The following PCDHGB7 variants were observed in gnomAD, a reference collection of about 807,000 sequenced individuals.
The protein encoded by PCDHGB7 is protocadherin gamma subfamily B, 7.
Under a neutral mutation model 61.4 loss-of-function variants are expected in PCDHGB7, and 37 were observed. That is an observed-to-expected ratio of 0.60 (90% CI 0.46 to 0.79). The LOEUF is 0.79. Among genes scored for constraint, PCDHGB7 ranks in the 30% least tolerant of loss-of-function variants. The pLI is 0.00. For missense variants in PCDHGB7, 1,166 were observed against 1,202.5 expected, an observed-to-expected ratio of 0.97 and a Z score of 0.45; for synonymous variants, 464 against 503.5, an observed-to-expected ratio of 0.92 and a Z score of 1.05.
intron 1 of PCDHGB7, among the ~76,000 whole-genome samples, chr5:141,467,109 A>G (rs1431550069): frequency 2.0e-5 from 3 of 150,594 alleles, no homozygotes; most frequent in African/African-American, 4.9e-5. Context: ...CTGGAGTACA[A>G]TGGTGCAATC....
intron 2 of PCDHGB7, among the ~76,000 whole-genome samples, chr5:141,497,614 A>C (rs1377740795): frequency 6.8e-6 from 1 of 146,530 alleles, no homozygotes; most frequent in African/African-American, 2.6e-5. Context: ...ATCTTGGCTC[A>C]CTGCAACCTC....
intron 1 of PCDHGB7, among the ~76,000 whole-genome samples, chr5:141,494,135 GTCAC>G (rs1365926534): frequency 3.3e-5 from 5 of 152,202 alleles, no homozygotes; most frequent in Admixed American, 6.5e-5. Flanking sequence ...CTTCTCCTTA[GTCAC>G]AGACCATTGT....
intron 1 of PCDHGB7, among the ~76,000 whole-genome samples, chr5:141,465,966 C>T (rs904439039): frequency 5.3e-5 from 8 of 151,802 alleles, no homozygotes; most frequent in Non-Finnish European, 1.0e-4. Context: ...ACTAAAAATA[C>T]AAAAAATTAG....
In PCDHGB7 at chr5:141,418,326, C is replaced by T. The variant is rs1398536611; in HGVS notation, c.467C>T (p.Ser156Phe). 1.2e-6 allele frequency: 2 copies of T among 1,613,986 alleles called. No individual in the cohort carries two copies. Among genetic ancestry groups the T allele is most frequent in the Non-Finnish European group, 1.7e-6 (2 of 1,179,896 alleles). ...VSLGMGTILE[S>F]AEDPDISMNS... The stretch of plus-strand genomic sequence containing the variant: ...CTGGGGATGGGAACAATTCTTGAGT[C>T]TGCAGAAGATCCTGATATTAGTATG... The change falls in exon 1 of 4, where the codon TCT becomes TTT. Residue 156 changes from serine (S) to phenylalanine (F), a missense_variant. By Grantham distance (155) the Ser-to-Phe change is radical (BLOSUM62 -2). Coordinates refer to ENST00000398594, the MANE Select transcript of PCDHGB7 (RefSeq NM_018927.4).
rs1206206519 is a variant in PCDHGB7 at position 141,432,127 on chromosome 5, C to G, written c.2415+11853C>G. ...ACCCGCCGGTCTTCCCTCAGGCCTC[C>G]TATTCCGCTTATATCCCAGAGAACA... On this transcript the variant is annotated intron_variant, in intron 1 of 3. Coordinates refer to ENST00000398594, the MANE Select transcript of PCDHGB7 (RefSeq NM_018927.4). The surrounding 1 kb of genome is among the most constrained non-coding windows in gnomAD (Gnocchi z 6.0). The G allele has an allele frequency of 6.8e-6, 11 of 1,614,160 alleles. No homozygotes were observed. The highest frequency in any genetic ancestry group is 8.5e-6 in the Non-Finnish European group (10 of 1,180,032).
intron 1 of PCDHGB7, chr5:141,423,081 C>A: frequency 6.2e-7 from 1 of 1,614,084 alleles, no homozygotes; most frequent in South Asian, 1.1e-5. Context: ...CGGGACTCTT[C>A]GCGGTGGGGG....
intron 1 of PCDHGB7, among the ~76,000 whole-genome samples, chr5:141,425,058 G>A (rs938128250): frequency 1.3e-5 from 2 of 151,986 alleles, no homozygotes; most frequent in African/African-American, 2.4e-5. Context: ...TCTAGGGCTC[G>A]GACAAAAATA....
rs371964437 is a variant in PCDHGB7, at chr5:141,511,404, C to T, written c.*231C>T. On this transcript the variant is annotated 3_prime_UTR_variant, in exon 4 of 4. Coordinates refer to ENST00000398594, the MANE Select transcript of PCDHGB7 (RefSeq NM_018927.4). ...CCGCTGGGAACCCCCATCCAATCAA[C>T]TGCTGTACCCATGGGGGTAGTGGGG... The T allele has an allele frequency of 7.7e-5, 73 of 947,014 alleles. No individual in the cohort carries two copies. In the East Asian group the frequency reaches 1.8e-3, roughly 23 times the overall value. The allele number at this position is 947,014 out of a possible 1,614,324, so 58.7% of individuals were successfully genotyped here.
chr5:141,488,572 T>C (rs888054788), intron 1 of PCDHGB7, among the ~76,000 whole-genome samples: 28 of 152,212 alleles, frequency 1.8e-4, no homozygotes, highest in African/African-American at 6.8e-4. Flanking sequence ...CCGCAAAGCA[T>C]TGCTGGAGAG....
chr5:141,438,513 A>G (rs2097964808), intron 1 of PCDHGB7, among the ~76,000 whole-genome samples: 1 of 148,768 alleles, frequency 6.7e-6, no homozygotes, highest in Non-Finnish European at 1.5e-5. Context: ...TGCAAAACCA[A>G]TTATTTTACA....
chr5:141,427,664 C>T (rs760682962), intron 1 of PCDHGB7: 11 of 775,778 alleles, frequency 1.4e-5, no homozygotes, highest in East Asian at 1.0e-4. Context: ...TCCACGTGGC[C>T]GAAAACAACC....
At chr5:141,430,327 T>C (rs1250968800) in intron 1 of PCDHGB7, among the ~76,000 whole-genome samples, 7 of 152,042 alleles carry the variant, frequency 4.6e-5, no homozygotes, top group Non-Finnish European at 1.5e-5. Context: ...AAAATCATTG[T>C]TTATAGAAAC....
intron 1 of PCDHGB7, among the ~76,000 whole-genome samples, chr5:141,469,967 C>G (rs2099217411): frequency 6.6e-6 from 1 of 152,124 alleles, no homozygotes; most frequent in Admixed American, 6.6e-5. Flanking sequence ...CCCATCTGTA[C>G]CAAAAATACA....
At chr5:141,484,889 TC>T (rs1312115219) in intron 1 of PCDHGB7, 2 of 362,958 alleles carry the variant, frequency 5.5e-6, no homozygotes, top group Admixed American at 8.9e-5. Flanking sequence ...GTGGGCTTTT[TC>T]CCCTCCAATG....
Position 141,434,784 on chromosome 5 carries a change from AT to A in PCDHGB7, c.2415+14519del, listed in dbSNP as rs201914459. On this transcript the variant is annotated intron_variant, in intron 1 of 3. Transcript: ENST00000398594. The stretch of plus-strand genomic sequence containing the variant: ...ACTTCACACTTCTAAAAAAAAAAAA[AT>A]TTTTTTTTCTGAGCTTGGAGAAATA... Among the ~76,000 whole-genome samples the A allele has an allele frequency of 3.3e-4, 49 of 150,342 alleles. 1 individual carries two copies. Among genetic ancestry groups the A allele is most frequent in the Middle Eastern group, 3.4e-3 (1 of 290 alleles).
At position 141,487,289 on chromosome 5, in the gene PCDHGB7, G is replaced by T; in HGVS notation, c.2416-7518G>T. 6.2e-7 allele frequency: 1 copy of T among 1,614,096 alleles called. No individual in the cohort carries two copies. The highest frequency in any genetic ancestry group is 8.5e-7 in the Non-Finnish European group (1 of 1,180,024). On this transcript the variant is annotated intron_variant, in intron 1 of 3. Coordinates refer to ENST00000398594, the MANE Select transcript of PCDHGB7 (RefSeq NM_018927.4). The surrounding 1 kb of genome is among the most constrained non-coding windows in gnomAD (Gnocchi z 5.0). Reference sequence around the variant, plus strand: ...AGTGGCAATTTGCTTTGTCTCCTTTGGCTCATTCGTGGCACTACTCTCTAA... The same window carrying T: ...AGTGGCAATTTGCTTTGTCTCCTTTTGCTCATTCGTGGCACTACTCTCTAA...
chr5:141,465,606 T>C (rs192541390), intron 1 of PCDHGB7, among the ~76,000 whole-genome samples: 22 of 152,338 alleles, frequency 1.4e-4, no homozygotes, highest in African/African-American at 5.3e-4. Context: ...TATCACTCTT[T>C]GGCCCTCCAG....
rs1321974739 is a variant in PCDHGB7, at chr5:141,432,755, G to A, written c.2415+12481G>A. The A allele has an allele frequency of 2.5e-6, 4 of 1,614,134 alleles. No individual in the cohort carries two copies. Among genetic ancestry groups the A allele is most frequent in the African/African-American group, 1.3e-5 (1 of 75,060 alleles). On this transcript the variant is annotated intron_variant, in intron 1 of 3. Coordinates refer to ENST00000398594, the MANE Select transcript of PCDHGB7 (RefSeq NM_018927.4). This position sits in a 1 kb window ranked among gnomAD's most constrained non-coding sequence, Gnocchi z 6.0. ...TGTCACGCTCACCGTGGCCGTGGCC[G>A]ACAGCATCCCCCAAGTCCTGGCGGA...
intron 1 of PCDHGB7, among the ~76,000 whole-genome samples, chr5:141,468,798 G>A (rs895012127): frequency 7.9e-5 from 12 of 151,646 alleles, no homozygotes; most frequent in East Asian, 2.0e-4. Context: ...CCCGGGAGGC[G>A]GAACTTGCAG....
Sources: gnomAD v4.1 joint callset for allele counts (sites outside exome capture counted in the v4.1 genomes callset) on GRCh38, gnomAD v4.1.1 for gene constraint, Gnocchi (gnomAD v3.1) non-coding constraint, MANE v1.5 for transcripts, NCBI Gene and HGNC (gene_info 2026-07-23, HGNC 2026-07-21) for gene names.